Variants in CASQ1 observed in about 807,000 individuals in gnomAD.
CASQ1 encodes calsequestrin 1, also known as calsequestrin-1.
In CASQ1, 40 loss-of-function variants were observed where a neutral mutation model predicts 49.5. The ratio of observed to expected loss-of-function variants is 0.81; its 90% CI spans 0.63 to 1.05. CASQ1 has a LOEUF of 1.05. Among genes scored for constraint, CASQ1 ranks in the 50% least tolerant of loss-of-function variants. The pLI, the probability that CASQ1 is intolerant of heterozygous loss-of-function variation, is 0.00. For synonymous variants in CASQ1, 174 were observed against 187.2 expected (o/e 0.93, Z 0.58); for missense variants, 469 against 486.9 (o/e 0.96, Z 0.35).
intron 1 of CASQ1, among the ~76,000 whole-genome samples, chr1:160,192,367 T>C (rs189102889): frequency 1.7e-4 from 26 of 151,658 alleles, no homozygotes; most frequent in African/African-American, 5.8e-4. Flanking sequence ...GGAGTCACTC[T>C]GAAGAATCTC....
At chr1:160,192,688 GGTC>G (rs1654104374) in intron 1 of CASQ1, 111 bp from the exon 2 acceptor site, 4 of 822,674 alleles carry the variant, frequency 4.9e-6, no homozygotes, top group Non-Finnish European at 8.3e-6. Flanking sequence ...AAAGGGTCAA[GGTC>G]AACTCTTATA....
chr1:160,197,548 C>T lies in CASQ1; in HGVS notation c.783-21C>T, dbSNP rs769016649. Reference sequence around the variant, plus strand: ...ATCCTTCTAACCCACTGAGTAATGACACTCTGTCTGTCTCTTCTAGATCAA... The same window carrying T: ...ATCCTTCTAACCCACTGAGTAATGATACTCTGTCTGTCTCTTCTAGATCAA... On this transcript the variant is annotated intron_variant, in intron 6 of 10. Coordinates refer to ENST00000368078, the MANE Select transcript of CASQ1 (RefSeq NM_001231.5). 5.7e-6 allele frequency: 9 copies of T among 1,592,076 alleles called. No homozygotes were observed. The East Asian group carries it at 1.8e-4, about 32-fold the overall frequency.
intron 2 of CASQ1, among the ~76,000 whole-genome samples, chr1:160,193,200 G>C (rs1654119506): frequency 6.6e-6 from 1 of 152,090 alleles, no homozygotes; most frequent in African/African-American, 2.4e-5. Flanking sequence ...GGGCTGGCCA[G>C]ACCTCTGCAA....
At chr1:160,198,912 T>C (rs1347044485) in intron 8 of CASQ1, 41 bp from the exon 9 acceptor site, 3 of 1,355,146 alleles carry the variant, frequency 2.2e-6, no homozygotes, top group Non-Finnish European at 3.2e-6. Flanking sequence ...GTCCCTTTCC[T>C]CTCTACACAC....
rs1064796446 is a variant in CASQ1 at position 160,195,018 on chromosome 1, G to T, written c.472G>T (p.Glu158Ter). The T allele has an allele frequency of 1.2e-6, 2 of 1,600,850 alleles. No homozygotes were observed. Among genetic ancestry groups the T allele is most frequent in the Non-Finnish European group, 1.7e-6 (2 of 1,170,276 alleles). The change falls in exon 4 of 11, where the codon GAG (glutamate) becomes TAG (stop). Residue 158 changes from glutamate to a stop codon, truncating the protein, a stop_gained. Coordinates refer to ENST00000368078, the MANE Select transcript of CASQ1 (RefSeq NM_001231.5). LOFTEE classifies it high-confidence loss of function. ...TIVEFLLDVL[E>*]DPVELIEGER... is the part of the protein sequence containing the mutation. ...CAATGTCCTCCTCTTTCAGGTCCTA[G>T]AGGACCCTGTGGAATTGATTGAAGG...
chr1:160,191,180 C>A, intron 1 of CASQ1, 150 bp downstream of exon 1: 1 of 779,410 alleles, frequency 1.3e-6, no homozygotes, highest in Non-Finnish European at 2.0e-6. Context: ...ATGCAAGTGG[C>A]ATGTGGCTTT....
intron 4 of CASQ1, 58 bp from the exon 5 acceptor site, chr1:160,195,403 A>G: frequency 1.3e-6 from 2 of 1,491,930 alleles, no homozygotes; most frequent in Non-Finnish European, 1.9e-6. Context: ...ATAGTGGGGG[A>G]TGATTCCCGG....
At chr1:160,191,753 C>T (rs1654082287) in intron 1 of CASQ1, among the ~76,000 whole-genome samples, 2 of 152,156 alleles carry the variant, frequency 1.3e-5, no homozygotes, top group African/African-American at 4.8e-5. Context: ...GAAAAAAAAC[C>T]TATGTTTGGG....
In CASQ1 at chr1:160,193,968, C is replaced by T; in HGVS notation, c.465+121C>T. On this transcript the variant is annotated intron_variant, in intron 3 of 10. Transcript: ENST00000368078. ...CACACACACACACATACACCACACG[C>T]ACACACACCATACATACACCACACG... The T allele has an allele frequency of 7.6e-6, 5 of 658,400 alleles. No homozygotes were observed. The Middle Eastern group carries it at 1.0e-3, about 138-fold the overall frequency. 40.8% of individuals were successfully genotyped at this position (658,400 alleles called of 1,614,324 possible).
chr1:160,194,697 A>G, intron 3 of CASQ1, among the ~76,000 whole-genome samples: 1 of 151,314 alleles, frequency 6.6e-6, no homozygotes, highest in African/African-American at 2.4e-5. Context: ...CATCACCTAC[A>G]TACCGAACAC....
chr1:160,193,803 G>C lies in CASQ1; in HGVS notation c.421G>C (p.Asp141His). 1.2e-6 allele frequency: 2 copies of C among 1,613,100 alleles called. No homozygotes were observed. The highest frequency in any genetic ancestry group is 1.7e-6 in the Non-Finnish European group (2 of 1,179,372). The part of the protein sequence containing the change: ...VFKGDEVIEY[D>H]GEFSADTIVE... Reference sequence around the variant, plus strand: ...CAAGGGAGATGAAGTCATTGAGTACGATGGCGAGTTTTCTGCTGACACCAT... The same window carrying C: ...CAAGGGAGATGAAGTCATTGAGTACCATGGCGAGTTTTCTGCTGACACCAT... Residue 141 changes from aspartate to histidine, a missense_variant, in exon 3 of 11, where the codon GAT (aspartate) becomes CAT (histidine). Coordinates refer to ENST00000368078, the MANE Select transcript of CASQ1 (RefSeq NM_001231.5).
chr1:160,200,874 T>C (rs1654354948), intron 10 of CASQ1, among the ~76,000 whole-genome samples: 1 of 152,182 alleles, frequency 6.6e-6, no homozygotes, highest in Non-Finnish European at 1.5e-5. Flanking sequence ...ACCATGTCTC[T>C]TTTAGAAAAG....
rs758428572 is a variant in CASQ1 at position 160,195,837 on chromosome 1, T to C, written c.652-60T>C. The C allele has an allele frequency of 1.6e-4, 250 of 1,567,632 alleles. 1 individual carries two copies. The highest frequency in any genetic ancestry group is 2.1e-4 in the Non-Finnish European group (247 of 1,149,058). On this transcript the variant is annotated intron_variant, in intron 5 of 10. Coordinates refer to ENST00000368078, the MANE Select transcript of CASQ1 (RefSeq NM_001231.5). The stretch of plus-strand genomic sequence containing the variant: ...CCTAATATTTGTTCCCCCATTATAC[T>C]GCTTCTCGACATGACCCTGTGTCTC...
intron 3 of CASQ1, 124 bp downstream of exon 3, chr1:160,193,971 A>C (rs1319086587): frequency 3.1e-6 from 2 of 646,028 alleles, no homozygotes; most frequent in African/African-American, 1.9e-5. Context: ...CCACACGCAC[A>C]CACACCATAC....
chr1:160,201,737 A>T lies in CASQ1; in HGVS notation c.*361A>T. ...CTCCATCTATGCACAGCTTTCCCCC[A>T]CTCTCTCTAATCCTGTATCTTTCTG... On this transcript the variant is annotated 3_prime_UTR_variant, in exon 11 of 11. Coordinates refer to ENST00000368078, the MANE Select transcript of CASQ1 (RefSeq NM_001231.5). The T allele has an allele frequency of 3.6e-6, 1 of 274,290 alleles. No homozygotes were observed. Among genetic ancestry groups the T allele is most frequent in the South Asian group, 5.2e-5 (1 of 19,120 alleles). The allele number at this position is 274,290 out of a possible 1,614,324, so 17.0% of individuals were successfully genotyped here.
rs754458562 is a variant in CASQ1, at chr1:160,201,382, A to G, written c.*6A>G. On this transcript the variant is annotated 3_prime_UTR_variant, in exon 11 of 11. Transcript: ENST00000368078. ...ACGATGATGATGATGACTAGTTGCTATGGCAACCATCTTTCAGCCCCACTG... is the reference window on the plus strand; with the variant it reads ...ACGATGATGATGATGACTAGTTGCTGTGGCAACCATCTTTCAGCCCCACTG... 1.1e-5 allele frequency: 17 copies of G among 1,613,650 alleles called. No individual in the cohort carries two copies. Among genetic ancestry groups the G allele is most frequent in the Middle Eastern group, 1.6e-4 (1 of 6,062 alleles).
intron 6 of CASQ1, 99 bp from the exon 7 acceptor site, chr1:160,197,470 G>A (rs555736849): frequency 5.9e-6 from 5 of 844,224 alleles, no homozygotes; most frequent in South Asian, 4.0e-5. Context: ...AGCTGTCTGT[G>A]CCCTGGGCCT....
Position 160,195,490 on chromosome 1 carries a change from G to A in CASQ1, c.607G>A (p.Glu203Lys), listed in dbSNP as rs1469044914. Residue 203 changes from glutamate (E) to lysine (K), a missense_variant, in exon 5 of 11, where the codon GAG becomes AAG. Glu to Lys is a moderately conservative substitution (Grantham distance 56). Coordinates refer to ENST00000368078, the MANE Select transcript of CASQ1 (RefSeq NM_001231.5). ...HYKAFEDAAE[E>K]FHPYIPFFAT... ...CAAAGCCTTCGAGGATGCAGCTGAG[G>A]AGTTTCATCCCTACATCCCCTTCTT... 23 of 1,613,972 alleles carry A rather than the reference G, an allele frequency of 1.4e-5. No individual in the cohort carries two copies. Among genetic ancestry groups the A allele is most frequent in the Non-Finnish European group, 1.9e-5 (22 of 1,180,006 alleles).
At chr1:160,201,078 CTAACCCA>C (rs11276892) in intron 10 of CASQ1, among the ~76,000 whole-genome samples, 160 bp from the exon 11 acceptor site, 149,941 of 152,090 alleles carry the variant, frequency 0.99, 73,948 homozygotes, top group Non-Finnish European at 1. Context: ...TGTCACTATT[CTAACCCA>C]TAACCCATAC....
Sources: gnomAD v4.1 joint callset for allele counts (sites outside exome capture counted in the v4.1 genomes callset) on GRCh38, gnomAD v4.1.1 for gene constraint, MANE v1.5 for transcripts, NCBI Gene and HGNC (gene_info 2026-07-23, HGNC 2026-07-21) for gene names.